Variants in ADAMTSL1 observed in about 807,000 individuals in gnomAD.
The protein encoded by ADAMTSL1 is ADAMTS like 1.
In ADAMTSL1, 126 loss-of-function variants were observed where a neutral mutation model predicts 201.8. The ratio of observed to expected loss-of-function variants is 0.62; its 90% CI spans 0.54 to 0.72. ADAMTSL1 has a LOEUF of 0.72. Among genes scored for constraint, ADAMTSL1 ranks in the 30% least tolerant of loss-of-function variants. ADAMTSL1 has a pLI of 0.00. For missense variants in ADAMTSL1, 2,679 were observed against 2,277.8 expected (o/e 1.18, Z -3.59); for synonymous variants, 1,121 against 903.4 (o/e 1.24, Z -4.32).
intron 2 of ADAMTSL1, among the ~76,000 whole-genome samples, chr9:18,287,246 A>C (rs1229285512): frequency 6.6e-6 from 1 of 152,126 alleles, no homozygotes; most frequent in Non-Finnish European, 1.5e-5. Flanking sequence ...TTTGGCTCTC[A>C]TTCCATTGGG....
chr9:18,639,506 T>C, intron 7 of ADAMTSL1, 95 bp downstream of exon 7: 7 of 1,455,214 alleles, frequency 4.8e-6, no homozygotes, highest in Non-Finnish European at 6.5e-6. Flanking sequence ...TTCTGACATA[T>C]GTTTGGAAAG....
At chr9:18,123,141 A>G (rs2131928844) in intron 1 of ADAMTSL1, among the ~76,000 whole-genome samples, 1 of 152,322 alleles carries the variant, frequency 6.6e-6, no homozygotes, top group East Asian at 1.9e-4. Context: ...TTTAAAATCC[A>G]CTTAGGAAAA....
chr9:18,645,050 T>C (rs1388406743), intron 7 of ADAMTSL1, among the ~76,000 whole-genome samples: 1 of 152,158 alleles, frequency 6.6e-6, no homozygotes, highest in Non-Finnish European at 1.5e-5. Flanking sequence ...CCAGCACCTG[T>C]TGTTTCCTGA....
At chr9:18,391,450 C>T (rs560806062) in intron 2 of ADAMTSL1, among the ~76,000 whole-genome samples, 10 of 152,064 alleles carry the variant, frequency 6.6e-5, no homozygotes, top group African/African-American at 2.4e-4. Context: ...GTAGTTAAAA[C>T]AATTTTTTTT....
rs1002719150 is a variant in ADAMTSL1, at chr9:18,535,294, A to G, written c.237+2002A>G. The stretch of plus-strand genomic sequence containing the variant: ...AAGAGTCACCTTTGCTTTACTTCCC[A>G]ACAAGTTCCTTTTCTCCATCTGAGA... On this transcript the variant is annotated intron_variant, in intron 3 of 28. Coordinates refer to ENST00000380548, the MANE Select transcript of ADAMTSL1 (RefSeq NM_001040272.6). 2.6e-5 allele frequency among the ~76,000 whole-genome samples: 4 copies of G among 152,326 alleles called. No homozygotes were observed. In the East Asian group the frequency reaches 5.8e-4, roughly 22 times the overall value.
chr9:18,461,583 C>T (rs1820808515), intron 2 of ADAMTSL1, among the ~76,000 whole-genome samples: 1 of 152,064 alleles, frequency 6.6e-6, no homozygotes, highest in African/African-American at 2.4e-5. Context: ...ATCTACCTAA[C>T]CTCTTGTATT....
intron 20 of ADAMTSL1, among the ~76,000 whole-genome samples, chr9:18,810,812 A>G (rs1235636534): frequency 1.3e-5 from 2 of 152,124 alleles, no homozygotes; most frequent in African/African-American, 4.8e-5. Context: ...ACTTTTCCCT[A>G]TTCTTACTGC....
At chr9:18,666,021 C>A (rs1197686245) in intron 9 of ADAMTSL1, among the ~76,000 whole-genome samples, 2 of 152,148 alleles carry the variant, frequency 1.3e-5, no homozygotes, top group Non-Finnish European at 2.9e-5. Context: ...ACAGTAGATA[C>A]TTGGCATTGA....
rs147129409 is a variant in ADAMTSL1, at chr9:18,593,113, C to G, written c.474+18847C>G. ...TTTGTTTAACAGTTCTAATAGTTTT[C>G]TTGTGGGTCTTTAGGTTTTTCCAAA... On this transcript the variant is annotated intron_variant, in intron 4 of 28. Coordinates refer to ENST00000380548, the MANE Select transcript of ADAMTSL1 (RefSeq NM_001040272.6). Among the ~76,000 whole-genome samples the G allele has an allele frequency of 1.6e-3, 236 of 152,130 alleles. 1 individual carries two copies. The highest frequency in any genetic ancestry group is 5.2e-3 in the African/African-American group (215 of 41,544).
intron 2 of ADAMTSL1, among the ~76,000 whole-genome samples, chr9:18,303,339 G>A (rs1225047004): frequency 1.3e-5 from 2 of 152,226 alleles, no homozygotes; most frequent in Admixed American, 6.5e-5. Flanking sequence ...CCAGGAGGCA[G>A]AACTAGTCAG....
In ADAMTSL1 at chr9:18,777,655, C is replaced by A; in HGVS notation, c.3426C>A (p.Ser1142Arg). 1 of 1,613,616 alleles carries A rather than the reference C, an allele frequency of 6.2e-7. No individual in the cohort carries two copies. The highest frequency in any genetic ancestry group is 8.5e-7 in the Non-Finnish European group (1 of 1,179,834). Reference protein sequence around the residue: ...LSPHKHVSGFSSSLRTSSTGD... With the variant: ...LSPHKHVSGFRSSLRTSSTGD... Reference sequence around the variant, plus strand: ...CTCATAAACACGTGTCTGGCTTCAGCAGCTCCCTGCGGACCTCCTCCACCG... The same window carrying A: ...CTCATAAACACGTGTCTGGCTTCAGAAGCTCCCTGCGGACCTCCTCCACCG... Residue 1142 changes from serine (S) to arginine (R), a missense_variant, in exon 19 of 29, where the codon AGC becomes AGA. Coordinates refer to ENST00000380548, the MANE Select transcript of ADAMTSL1 (RefSeq NM_001040272.6).
intron 2 of ADAMTSL1, among the ~76,000 whole-genome samples, chr9:18,516,086 C>G (rs1272960212): frequency 1.5e-5 from 1 of 67,900 alleles, no homozygotes. Context: ...ACCTCAACTA[C>G]CAAAAAAAAA....
intron 1 of ADAMTSL1, among the ~76,000 whole-genome samples, chr9:18,153,769 A>C (rs1827025732): frequency 6.6e-6 from 1 of 152,092 alleles, no homozygotes. Context: ...ACATGTATAG[A>C]ATAACACAGT....
At chr9:17,947,345 A>ACACCC (rs1554668687) in intron 1 of ADAMTSL1, among the ~76,000 whole-genome samples, 3 of 147,022 alleles carry the variant, frequency 2.0e-5, no homozygotes, top group East Asian at 2.0e-4. Flanking sequence ...ACACACACAC[A>ACACCC]CCCCACTATG....
chr9:18,645,673 A>C (rs1827760039), intron 7 of ADAMTSL1, among the ~76,000 whole-genome samples: 1 of 150,280 alleles, frequency 6.7e-6, no homozygotes, highest in African/African-American at 2.4e-5. Flanking sequence ...TGTTTTTCTC[A>C]GGTTTGTCAA....
intron 3 of ADAMTSL1, among the ~76,000 whole-genome samples, chr9:18,534,995 C>T (rs1238163902): frequency 6.6e-6 from 1 of 152,214 alleles, no homozygotes; most frequent in Non-Finnish European, 1.5e-5. Flanking sequence ...GATCTGGAGA[C>T]ATTTTCCCCA....
intron 7 of ADAMTSL1, among the ~76,000 whole-genome samples, chr9:18,648,757 G>A (rs1388151213): frequency 3.3e-5 from 5 of 151,892 alleles, no homozygotes; most frequent in East Asian, 1.9e-4. Flanking sequence ...CGAGAGATCC[G>A]CTGTTAGTCT....
intron 2 of ADAMTSL1, among the ~76,000 whole-genome samples, chr9:18,313,369 G>A (rs1378473866): frequency 1.3e-5 from 2 of 152,192 alleles, no homozygotes; most frequent in Admixed American, 1.3e-4. Context: ...CCTCACCCCA[G>A]GTGAGTTACA....
At chr9:18,721,715 G>C in intron 15 of ADAMTSL1, 50 bp downstream of exon 15, 1 of 1,583,398 alleles carries the variant, frequency 6.3e-7, no homozygotes. Context: ...TACAGAACTG[G>C]GCGCATCTTT....
Sources: allele counts gnomAD v4.1 joint callset (sites outside exome capture counted in the v4.1 genomes callset), GRCh38; gene constraint gnomAD v4.1.1; transcripts MANE v1.5; gene names NCBI Gene and HGNC (gene_info 2026-07-23, HGNC 2026-07-21).